The following PLXNA1 variants were observed in gnomAD, a reference collection of about 807,000 sequenced individuals.
PLXNA1 encodes the protein plexin A1.
A neutral mutation model predicts 191.7 loss-of-function variants in PLXNA1; 77 were observed. The ratio of observed to expected loss-of-function variants is 0.40; its 90% CI spans 0.33 to 0.49. The LOEUF is 0.49. Ranked by LOEUF, PLXNA1 falls within the 20% of genes least tolerant of loss-of-function variation. The pLI is 0.63. For missense variants in PLXNA1, 2,110 were observed against 2,660.2 expected (o/e 0.79, Z 4.55); for synonymous variants, 1,137 against 1,156.4 (o/e 0.98, Z 0.34).
At chr3:127,028,478 G>A (rs979129610) in intron 25 of PLXNA1, 138 bp downstream of exon 25, 1 of 983,500 alleles carries the variant, frequency 1.0e-6, no homozygotes, top group Non-Finnish European at 1.5e-6. Context: ...GGAATGGCGA[G>A]TGGGCTGTCC....
chr3:127,002,037 C>T (rs2079043089), intron 3 of PLXNA1, among the ~76,000 whole-genome samples: 1 of 152,252 alleles, frequency 6.6e-6, no homozygotes, highest in Non-Finnish European at 1.5e-5. Flanking sequence ...GCAGGGCAGG[C>T]AGGCACGGGT....
At chr3:126,994,226 C>G (rs927694328) in intron 3 of PLXNA1, among the ~76,000 whole-genome samples, 2 of 152,150 alleles carry the variant, frequency 1.3e-5, no homozygotes, top group Non-Finnish European at 2.9e-5. Context: ...CTCTGCTAGC[C>G]TTGAGAGCTA....
intron 3 of PLXNA1, among the ~76,000 whole-genome samples, chr3:126,993,826 C>T (rs2079002711): frequency 6.6e-6 from 1 of 152,228 alleles, no homozygotes; most frequent in Admixed American, 6.5e-5. Flanking sequence ...TGGTGAAGAA[C>T]CTGCCGCCTG....
chr3:127,027,353 T>C, intron 23 of PLXNA1: 1 of 335,618 alleles, frequency 3.0e-6, no homozygotes, highest in South Asian at 2.4e-5. Flanking sequence ...TGAACCTCCC[T>C]GGGTGGGCAA....
chr3:127,017,068 G>T (rs2079127584), intron 17 of PLXNA1, 31 bp downstream of exon 17: 7 of 1,580,462 alleles, frequency 4.4e-6, no homozygotes, highest in Non-Finnish European at 6.1e-6. Context: ...GCCCACCTCG[G>T]TCCAGGCCTT....
Position 127,032,474 on chromosome 3 carries a change from G to A in PLXNA1, c.5319G>A (p.Leu1773=). The change falls in exon 30 of 32, where the codon TTG becomes TTA. Residue 1773 remains leucine (L), a synonymous_variant. Transcript: ENST00000393409. ...AGAACAGCATCACGGACGCCTGCTTGTCGGTGGTGGCCCAGACCTTCATGG... is the reference window on the plus strand; with the variant it reads ...AGAACAGCATCACGGACGCCTGCTTATCGGTGGTGGCCCAGACCTTCATGG... The part of the protein sequence containing the change: ...IHKNSITDAC[L]SVVAQTFMDS... The A allele has an allele frequency of 6.2e-7, 1 of 1,614,054 alleles. No homozygotes were observed. The highest frequency in any genetic ancestry group is 8.5e-7 in the Non-Finnish European group (1 of 1,180,016).
intron 3 of PLXNA1, among the ~76,000 whole-genome samples, chr3:126,993,411 A>T (rs1002082723): frequency 6.6e-6 from 1 of 152,158 alleles, no homozygotes; most frequent in Non-Finnish European, 1.5e-5. Context: ...TCCCTGGGCC[A>T]GGTGCCTCCT....
At chr3:127,013,722 T>A (rs1028491577) in intron 10 of PLXNA1, among the ~76,000 whole-genome samples, 1 of 152,206 alleles carries the variant, frequency 6.6e-6, no homozygotes, top group Non-Finnish European at 1.5e-5. Flanking sequence ...CCTGGCTGAC[T>A]GTAGGGAGTG....
chr3:126,988,642 T>C lies in PLXNA1; in HGVS notation c.49T>C (p.Leu17=), dbSNP rs563093512. The C allele has an allele frequency of 2.5e-6, 4 of 1,576,234 alleles. No homozygotes were observed. Among genetic ancestry groups the C allele is most frequent in the Admixed American group, 1.8e-5 (1 of 56,324 alleles). Reference sequence around the variant, plus strand: ...GCAGGTGCTCCTGCTGCTGCTGCTGTTGCTGCTGCTGCTGCCGGGCATGTG... The same window carrying C: ...GCAGGTGCTCCTGCTGCTGCTGCTGCTGCTGCTGCTGCTGCCGGGCATGTG... The part of the protein sequence containing the change: ...SLQVLLLLLL[L]LLLLPGMWAE... The change falls in exon 2 of 32, where the codon TTG becomes CTG. Residue 17 remains leucine (L), a synonymous_variant. Transcript: ENST00000393409.
rs562545102 is a variant in PLXNA1 at position 127,029,707 on chromosome 3, C to T, written c.4871-167C>T. Among the ~76,000 whole-genome samples, 5 of 152,328 alleles carry T rather than the reference C, an allele frequency of 3.3e-5. No individual in the cohort carries two copies. In the South Asian group the frequency reaches 1.0e-3, roughly 32 times the overall value. On this transcript the variant is annotated intron_variant, in intron 27 of 31. Transcript: ENST00000393409. The stretch of plus-strand genomic sequence containing the variant: ...TCCAGCTCTGGAGGCTGCGCCTCCT[C>T]GCGACTGTGTGTCCGTACACAATTA...
Position 127,034,490 on chromosome 3 carries a change from G to A in PLXNA1, c.*473G>A, listed in dbSNP as rs545630526. 23 of 154,506 alleles carry A rather than the reference G, an allele frequency of 1.5e-4. No individual in the cohort carries two copies. The highest frequency in any genetic ancestry group is 1.4e-3 in the South Asian group (7 of 4,858). The allele number at this position is 154,506 out of a possible 1,614,324, so 9.6% of individuals were successfully genotyped here. On this transcript the variant is annotated 3_prime_UTR_variant, in exon 32 of 32. Transcript: ENST00000393409. ...GCAGAGTCTGAGGGTCCCGGGGCCC[G>A]GTTGGCAGCTGGAGAAAGAGGCAAA...
At chr3:126,995,377 G>A (rs764317604) in intron 3 of PLXNA1, among the ~76,000 whole-genome samples, 18 of 152,146 alleles carry the variant, frequency 1.2e-4, no homozygotes, top group Admixed American at 1.3e-4. Flanking sequence ...GGGTCCTGTA[G>A]CATCAGCCCA....
chr3:127,029,065 G>A lies in PLXNA1; in HGVS notation c.4742G>A (p.Trp1581Ter). The A allele has an allele frequency of 1.9e-6, 3 of 1,613,806 alleles. No individual in the cohort carries two copies. Among genetic ancestry groups the A allele is most frequent in the Non-Finnish European group, 2.5e-6 (3 of 1,179,920 alleles). ...GTCACCACCAAGATTGACAACGATT[G>A]GAAGAGGCTGAACACACTGGCTCAC... ...EDVTTKIDND[W>*]KRLNTLAHYQ... The change falls in exon 26 of 32, where the codon TGG (tryptophan) becomes TAG (stop). Residue 1581 changes from tryptophan to a stop codon, truncating the protein, a stop_gained. Transcript: ENST00000393409. LOFTEE classifies it high-confidence loss of function.
At chr3:127,027,522 TGG>T in intron 23 of PLXNA1, 3 of 379,878 alleles carry the variant, frequency 7.9e-6, no homozygotes, top group South Asian at 6.0e-5. Flanking sequence ...CGGTGGGCCA[TGG>T]GGAGCTTTGT....
rs756459337 is a variant in PLXNA1 at position 126,989,440 on chromosome 3, G to A, written c.847G>A (p.Val283Met). 3 of 1,613,608 alleles carry A rather than the reference G, an allele frequency of 1.9e-6. No homozygotes were observed. Among genetic ancestry groups the A allele is most frequent in the African/African-American group, 1.3e-5 (1 of 75,048 alleles). ...AGEHFFTSKIVRLCVDDPKFY... is the reference protein window; with the variant it reads ...AGEHFFTSKIMRLCVDDPKFY... ...CGAGCACTTCTTCACGTCCAAGATC[G>A]TGCGGCTCTGTGTGGACGACCCCAA... The change falls in exon 2 of 32, where the codon GTG becomes ATG. Residue 283 changes from valine to methionine, a missense_variant. Val to Met is a conservative substitution (Grantham distance 21). Coordinates refer to ENST00000393409, the MANE Select transcript of PLXNA1 (RefSeq NM_032242.4).
intron 3 of PLXNA1, among the ~76,000 whole-genome samples, chr3:127,001,720 C>T (rs1248916066): frequency 2.6e-5 from 4 of 152,252 alleles, no homozygotes; most frequent in Non-Finnish European, 4.4e-5. Context: ...TGGTTGGCTG[C>T]GCAGGTGCGG....
chr3:127,006,189 C>T lies in PLXNA1; in HGVS notation c.1997+11C>T. ...CAGCGTCCACCAGTCGTGAGTGTCT[C>T]TAGGCCCCTCCGCCCGCCTGGGCCT... On this transcript the variant is annotated intron_variant, in intron 8 of 31. Coordinates refer to ENST00000393409, the MANE Select transcript of PLXNA1 (RefSeq NM_032242.4). 3 of 1,607,142 alleles carry T rather than the reference C, an allele frequency of 1.9e-6. No homozygotes were observed. Among genetic ancestry groups the T allele is most frequent in the Non-Finnish European group, 2.6e-6 (3 of 1,174,298 alleles).
chr3:127,035,640 A>G lies in PLXNA1; in HGVS notation c.*1623A>G, dbSNP rs1183035656. On this transcript the variant is annotated 3_prime_UTR_variant, in exon 32 of 32. Coordinates refer to ENST00000393409, the MANE Select transcript of PLXNA1 (RefSeq NM_032242.4). ...AATCAGTCACTTGTAAAAGCAAACA[A>G]GCGGTCCATCCCCTTTTCAAGGTCA... The G allele has an allele frequency of 6.6e-6, 1 of 152,616 alleles. No homozygotes were observed. The highest frequency in any genetic ancestry group is 2.4e-5 in the African/African-American group (1 of 41,432). 9.5% of individuals were successfully genotyped at this position (152,616 alleles called of 1,614,324 possible). A position where few individuals can be genotyped will look rare whatever the true frequency, so the allele number is the denominator to read the frequency against.
Position 127,033,970 on chromosome 3 carries a change from C to G in PLXNA1, c.5644C>G (p.Arg1882Gly). 4 of 1,605,962 alleles carry G rather than the reference C, an allele frequency of 2.5e-6. No homozygotes were observed. The highest frequency in any genetic ancestry group is 3.4e-6 in the Non-Finnish European group (4 of 1,177,606). Residue 1882 changes from arginine (R) to glycine (G), a missense_variant, in exon 32 of 32, where the codon CGG (arginine) becomes GGG (glycine). Around this residue, in one of 4 missense-constraint regions of PLXNA1, gnomAD observed 559 missense variants for 911.5 expected, o/e 0.61. Transcript: ENST00000393409. ...KDEQARRQRL[R>G]SKLEQVVDTM... ...TGAGCAGGCGCGGCGGCAGCGGCTG[C>G]GGAGCAAGCTGGAGCAGGTGGTGGA... is the stretch of plus-strand genomic sequence containing the variant.
Sources: allele counts gnomAD v4.1 joint callset (sites outside exome capture counted in the v4.1 genomes callset), GRCh38; gene constraint gnomAD v4.1.1; regional missense constraint gnomAD v4.1.1; transcripts MANE v1.5; gene names NCBI Gene and HGNC (gene_info 2026-07-23, HGNC 2026-07-21).